Variants in MACC1 observed in about 807,000 individuals in gnomAD.
The protein encoded by MACC1 is metastasis-associated in colon cancer protein 1.
A neutral mutation model predicts 70.7 loss-of-function variants in MACC1; 79 were observed. The ratio of observed to expected loss-of-function variants is 1.12; its 90% CI spans 0.93 to 1.35. The LOEUF (loss-of-function observed/expected upper bound fraction) is 1.35. Among genes scored for constraint, MACC1 ranks in the 40% most tolerant of loss-of-function variants. MACC1 has a pLI of 0.00. For missense variants in MACC1, 1,106 were observed against 978.1 expected, an observed-to-expected ratio of 1.13 and a Z score of -1.74; for synonymous variants, 361 against 347.2, an observed-to-expected ratio of 1.04 and a Z score of -0.44.
At chr7:20,171,869 C>T (rs1782313547) in intron 1 of MACC1, among the ~76,000 whole-genome samples, 1 of 152,160 alleles carries the variant, frequency 6.6e-6, no homozygotes, top group Non-Finnish European at 1.5e-5. Context: ...CAAAATTTCA[C>T]TTATTTCAAC....
intron 1 of MACC1, among the ~76,000 whole-genome samples, chr7:20,188,265 G>A (rs373871271): frequency 1.3e-5 from 2 of 152,184 alleles, no homozygotes; most frequent in Non-Finnish European, 2.9e-5. Context: ...CTTCAACCTG[G>A]TTCTAACAAA....
intron 2 of MACC1, among the ~76,000 whole-genome samples, chr7:20,165,372 A>T (rs1271093840): frequency 6.6e-6 from 1 of 152,172 alleles, no homozygotes; most frequent in Admixed American, 6.5e-5. Context: ...AAGCCATTCT[A>T]AAAGCTCCTT....
chr7:20,140,993 A>T lies in MACC1; in HGVS notation c.2512T>A (p.Leu838Met). ...LTGVLILVNS[L>M]EVLRVTAFST... is the part of the protein sequence containing the mutation. ...AATGCAGTTACTCTCAAAACCTCCA[A>T]AGAATTTACTAGTATTAAAACTCCA... The change falls in exon 7 of 7, where the codon TTG (leucine) becomes ATG (methionine). Residue 838 changes from leucine to methionine, a missense_variant. Physicochemically the swap from Leu to Met is conservative, Grantham distance 15. Coordinates refer to ENST00000400331, the MANE Select transcript of MACC1 (RefSeq NM_182762.4). 6.2e-7 allele frequency: 1 copy of T among 1,613,976 alleles called. No homozygotes were observed. The highest frequency in any genetic ancestry group is 1.3e-5 in the African/African-American group (1 of 75,022).
intron 1 of MACC1, among the ~76,000 whole-genome samples, chr7:20,178,304 A>T (rs1782429664): frequency 6.6e-6 from 1 of 151,328 alleles, no homozygotes; most frequent in Non-Finnish European, 1.5e-5. Context: ...CACACTCCAG[A>T]GAATAATTGA....
At chr7:20,156,969 T>C (rs1483412000) in intron 5 of MACC1, among the ~76,000 whole-genome samples, 1 of 152,194 alleles carries the variant, frequency 6.6e-6, no homozygotes, top group Non-Finnish European at 1.5e-5. Flanking sequence ...ACAGTACTTA[T>C]ACAAACATTT....
In MACC1 at chr7:20,158,413, A is replaced by C. The variant is rs2128102610; in HGVS notation, c.1948T>G (p.Tyr650Asp). The C allele has an allele frequency of 6.2e-7, 1 of 1,613,888 alleles. No individual in the cohort carries two copies. The highest frequency in any genetic ancestry group is 8.5e-7 in the Non-Finnish European group (1 of 1,179,938). Reference protein sequence around the residue: ...VLPLKKLTYIYSVVLTLVSEK... With the variant: ...VLPLKKLTYIDSVVLTLVSEK... ...GACACCAAGGTTAATACAACTGAGTAGATATAAGTCAATTTTTTTAAAGGC... is the reference window on the plus strand; with the variant it reads ...GACACCAAGGTTAATACAACTGAGTCGATATAAGTCAATTTTTTTAAAGGC... Residue 650 changes from tyrosine (Y) to aspartate (D), a missense_variant, in exon 5 of 7, where the codon TAC (tyrosine) becomes GAC (aspartate). By Grantham distance (160) the Tyr-to-Asp change is radical. Transcript: ENST00000400331.
At chr7:20,166,479 G>C (rs544185383) in intron 2 of MACC1, among the ~76,000 whole-genome samples, 2 of 152,302 alleles carry the variant, frequency 1.3e-5, no homozygotes, top group South Asian at 4.2e-4. Flanking sequence ...TGATGGAATA[G>C]TGGCACTCTC....
In MACC1 at chr7:20,140,814, C is replaced by T. The variant is rs987134652; in HGVS notation, c.*132G>A. 23 of 542,932 alleles carry T rather than the reference C, an allele frequency of 4.2e-5. No homozygotes were observed. The African/African-American group carries it at 7.3e-4, about 17-fold the overall frequency. 33.6% of individuals were successfully genotyped at this position (542,932 alleles called of 1,614,324 possible). ...ATTCTTTCTTTCCTACACACACACACACACACACACAGACACACACACACA... is the reference window on the plus strand; with the variant it reads ...ATTCTTTCTTTCCTACACACACACATACACACACACAGACACACACACACA... On this transcript the variant is annotated 3_prime_UTR_variant, in exon 7 of 7. Transcript: ENST00000400331.
At chr7:20,201,460 G>C (rs1338669999) in intron 1 of MACC1, among the ~76,000 whole-genome samples, 4 of 152,148 alleles carry the variant, frequency 2.6e-5, no homozygotes, top group Non-Finnish European at 5.9e-5. Context: ...AGTGGGGTAG[G>C]GGCAGAGGCA....
At chr7:20,155,546 A>G (rs947781751) in intron 5 of MACC1, among the ~76,000 whole-genome samples, 4 of 152,238 alleles carry the variant, frequency 2.6e-5, no homozygotes, top group Non-Finnish European at 1.5e-5. Flanking sequence ...AACCACAGAA[A>G]GTGAAACTGT....
At chr7:20,188,544 G>T (rs567121334) in intron 1 of MACC1, among the ~76,000 whole-genome samples, 1 of 152,230 alleles carries the variant, frequency 6.6e-6, no homozygotes, top group African/African-American at 2.4e-5. Flanking sequence ...ACCTGTCTTT[G>T]CCTTTCCTCC....
intron 6 of MACC1, chr7:20,153,303 G>A (rs971390535): frequency 4.9e-4 from 75 of 152,144 alleles, no homozygotes; most frequent in African/African-American, 1.5e-3. Flanking sequence ...TGGTTGCATC[G>A]AAGCAAGAAA....
chr7:20,203,636 T>C (rs967246442), intron 1 of MACC1, among the ~76,000 whole-genome samples: 3 of 152,216 alleles, frequency 2.0e-5, no homozygotes, highest in Non-Finnish European at 4.4e-5. Context: ...TGGATTGGGA[T>C]AGTCCTTCAA....
In MACC1 at chr7:20,156,005, C is replaced by T. The variant is rs542262890; in HGVS notation, c.2158-1624G>A. On this transcript the variant is annotated intron_variant, in intron 5 of 6. Coordinates refer to ENST00000400331, the MANE Select transcript of MACC1 (RefSeq NM_182762.4). ...TTTAAAATCAATGTAGTGTTAATTC[C>T]ACTTTGTCTAAACTTCCATAATCAT... Among the ~76,000 whole-genome samples, 14 of 152,242 alleles carry T rather than the reference C, an allele frequency of 9.2e-5. No homozygotes were observed. In the East Asian group the frequency reaches 2.7e-3, roughly 29 times the overall value.
At chr7:20,153,374 T>C (rs1444143588) in intron 6 of MACC1, 1 of 152,246 alleles carries the variant, frequency 6.6e-6, no homozygotes, top group Non-Finnish European at 1.5e-5. Context: ...ATACAGCTTC[T>C]GCTCTCACCA....
At chr7:20,202,188 GTT>G (rs1309894273) in intron 1 of MACC1, among the ~76,000 whole-genome samples, 1 of 152,178 alleles carries the variant, frequency 6.6e-6, no homozygotes, top group East Asian at 1.9e-4. Flanking sequence ...GACAAGTGCA[GTT>G]ATTTAGCAAT....
chr7:20,159,793 G>A lies in MACC1; in HGVS notation c.568C>T (p.Arg190Cys), dbSNP rs140154506. ...MAWLSQRQLA[R>C]SCLDLNTISQ... ...ATTGTATTCAAATCAAGGCAGGAGC[G>A]GGCCAGCTGGCGTTGACTTAACCAA... Residue 190 changes from arginine to cysteine, a missense_variant, in exon 5 of 7, where the codon CGC becomes TGC. Transcript: ENST00000400331. 2.7e-5 allele frequency: 43 copies of A among 1,613,796 alleles called. No homozygotes were observed. The highest frequency in any genetic ancestry group is 1.7e-4 in the Middle Eastern group (1 of 6,060).
chr7:20,154,425 G>GCCGGGC, intron 5 of MACC1, 44 bp from the exon 6 acceptor site: 1 of 1,556,864 alleles, frequency 6.4e-7, no homozygotes, highest in Non-Finnish European at 8.7e-7. Context: ...AACTAACTTG[G>GCCGGGC]GCTTTTCTCT....
Position 20,136,856 on chromosome 7 carries a change from T to C in MACC1, c.*4090A>G, listed in dbSNP as rs904815914. 5.0e-5 allele frequency: 7 copies of C among 141,342 alleles called. No homozygotes were observed. The highest frequency in any genetic ancestry group is 8.0e-5 in the Non-Finnish European group (5 of 62,320). The allele number at this position is 141,342 out of a possible 1,614,324, so 8.8% of individuals were successfully genotyped here. On this transcript the variant is annotated 3_prime_UTR_variant, in exon 7 of 7. Transcript: ENST00000400331. Reference sequence around the variant, plus strand: ...ATTATTATTAATTATTAATTGTAATTATTAATTCTTAAAGATTATTAATTA... The same window carrying C: ...ATTATTATTAATTATTAATTGTAATCATTAATTCTTAAAGATTATTAATTA...
Sources: allele counts gnomAD v4.1 joint callset (sites outside exome capture counted in the v4.1 genomes callset), GRCh38; gene constraint gnomAD v4.1.1; transcripts MANE v1.5; gene names NCBI Gene and HGNC (gene_info 2026-07-23, HGNC 2026-07-21).